Variants in TCF7L2 observed in about 807,000 individuals in gnomAD.
TCF7L2 encodes the protein transcription factor 7 like 2, also known as transcription factor 7-like 2.
Under a neutral mutation model 77.9 loss-of-function variants are expected in TCF7L2, and 23 were observed. The observed-to-expected ratio is 0.30, with a 90% CI of 0.21 to 0.42. TCF7L2 has a LOEUF of 0.42. Ranked by LOEUF, TCF7L2 falls within the 10% of genes least tolerant of loss-of-function variation. The probability of loss-of-function intolerance (pLI) is 1.00; values close to 1 mark genes in which losing one functional copy is unlikely to be tolerated. For synonymous variants in TCF7L2, 413 were observed against 340.2 expected, an observed-to-expected ratio of 1.21 and a Z score of -2.36; for missense variants, 654 against 793.1, an observed-to-expected ratio of 0.82 and a Z score of 2.11.
chr10:113,161,812 C>A (rs931705658), intron 13 of TCF7L2, among the ~76,000 whole-genome samples: 1 of 152,156 alleles, frequency 6.6e-6, no homozygotes. Flanking sequence ...CTCGTGTTGA[C>A]CCCAGCACAC....
At position 113,077,104 on chromosome 10, in the gene TCF7L2, G is replaced by A. The variant is rs56141968; in HGVS notation, c.552+36978G>A. Among the ~76,000 whole-genome samples the A allele has an allele frequency of 6.6e-3, 1,012 of 152,196 alleles. 11 individuals are homozygous for A. The highest frequency in any genetic ancestry group is 0.023 in the African/African-American group (961 of 41,514). ...AGACCTGTGGTCCCCTTCTTCCACC[G>A]TAATTTACATTCTTCCCTGAGTCCT... On this transcript the variant is annotated intron_variant, in intron 5 of 13. Transcript: ENST00000627217.
rs2137657600 is a variant in TCF7L2 at position 113,165,937 on chromosome 10, C to T, written c.1774C>T (p.Gln592Ter). Residue 592 changes from glutamine to a stop codon, truncating the protein, a stop_gained, in exon 14 of 14, where the codon CAG becomes TAG. Coordinates refer to ENST00000627217, the MANE Select transcript of TCF7L2 (RefSeq NM_001146274.2). LOFTEE classifies it high-confidence loss of function. ...CAGCTCCCTGGCCGGGACCCAGCCC[C>T]AGCCGCTGTCGCTCGTCACCAAGTC... is the stretch of plus-strand genomic sequence containing the variant. The T allele has an allele frequency of 1.9e-6, 3 of 1,547,148 alleles. No individual in the cohort carries two copies. Among genetic ancestry groups the T allele is most frequent in the Middle Eastern group, 1.7e-4 (1 of 5,728 alleles).
At chr10:113,111,648 C>T (rs12249275) in intron 5 of TCF7L2, among the ~76,000 whole-genome samples, 217 of 152,098 alleles carry the variant, frequency 1.4e-3, no homozygotes, top group Non-Finnish European at 2.4e-3. Flanking sequence ...AAAAATTAGC[C>T]AGGCGTGGTG....
intron 4 of TCF7L2, among the ~76,000 whole-genome samples, chr10:113,013,269 C>A (rs1590411276): frequency 1.3e-5 from 2 of 151,826 alleles, no homozygotes; most frequent in Admixed American, 1.3e-4. Flanking sequence ...CAGGCGTGCG[C>A]CCCCACACCT....
chr10:113,058,297 C>A (rs2055755925), intron 5 of TCF7L2, among the ~76,000 whole-genome samples: 1 of 152,070 alleles, frequency 6.6e-6, no homozygotes, highest in Non-Finnish European at 1.5e-5. Context: ...GCTTGGGCAG[C>A]CTGAGCAGGC....
chr10:113,061,681 G>A (rs547372352), intron 5 of TCF7L2, among the ~76,000 whole-genome samples: 8 of 152,334 alleles, frequency 5.3e-5, no homozygotes, highest in African/African-American at 1.7e-4. Flanking sequence ...AGTGAATTAA[G>A]TGCCTGCTTT....
chr10:113,079,787 AG>A (rs146083095), intron 5 of TCF7L2, among the ~76,000 whole-genome samples: 2,198 of 152,156 alleles, frequency 0.014, 60 homozygotes, highest in African/African-American at 0.051. Context: ...TTACCCAAGT[AG>A]CTGGGATTAC....
At chr10:113,018,818 G>A (rs2047785908) in intron 4 of TCF7L2, among the ~76,000 whole-genome samples, 1 of 152,152 alleles carries the variant, frequency 6.6e-6, no homozygotes, top group African/African-American at 2.4e-5. Flanking sequence ...CCCTCTGGCT[G>A]GGGTGGACTG....
intron 4 of TCF7L2, among the ~76,000 whole-genome samples, chr10:113,027,383 G>C (rs988308188): frequency 6.6e-6 from 1 of 152,176 alleles, no homozygotes; most frequent in Non-Finnish European, 1.5e-5. Flanking sequence ...GTGTCAGAGA[G>C]GGTGCCTGTC....
rs2137654218 is a variant in TCF7L2 at position 113,165,819 on chromosome 10, C to G, written c.1656C>G (p.Pro552=). The G allele has an allele frequency of 6.2e-7, 1 of 1,606,134 alleles. No individual in the cohort carries two copies. Among genetic ancestry groups the G allele is most frequent in the East Asian group, 2.2e-5 (1 of 44,750 alleles). The change falls in exon 14 of 14, where the codon CCC becomes CCG. Residue 552 remains proline (P), a synonymous_variant. Coordinates refer to ENST00000627217, the MANE Select transcript of TCF7L2 (RefSeq NM_001146274.2). ...CCCACAAGGCCTCCGCCCTCTGTCC[C>G]AACGGGGCCCTGGACCTGCCCCCAG...
chr10:113,127,398 C>T (rs2065829074), intron 5 of TCF7L2, among the ~76,000 whole-genome samples: 2 of 152,066 alleles, frequency 1.3e-5, no homozygotes, highest in Non-Finnish European at 2.9e-5. Flanking sequence ...TTCCTCCCTT[C>T]TTGAACCTCT....
intron 5 of TCF7L2, among the ~76,000 whole-genome samples, chr10:113,124,491 C>T (rs1047191366): frequency 3.3e-5 from 5 of 152,034 alleles, no homozygotes; most frequent in Admixed American, 6.5e-5. Context: ...AATATCATCT[C>T]GAAGACAACT....
chr10:113,142,270 A>G (rs138899073), intron 6 of TCF7L2, among the ~76,000 whole-genome samples: 3,111 of 152,292 alleles, frequency 0.02, 102 homozygotes, highest in African/African-American at 0.072. Flanking sequence ...GATTACAGGC[A>G]TGAGCCACCA....
intron 4 of TCF7L2, among the ~76,000 whole-genome samples, chr10:113,010,516 T>C (rs2046281567): frequency 6.6e-6 from 1 of 152,220 alleles, no homozygotes; most frequent in South Asian, 2.1e-4. Context: ...GCATTTTACC[T>C]GCATCATCTC....
At chr10:113,023,010 A>G (rs2048495520) in intron 4 of TCF7L2, among the ~76,000 whole-genome samples, 1 of 152,210 alleles carries the variant, frequency 6.6e-6, no homozygotes, top group Non-Finnish European at 1.5e-5. Flanking sequence ...TCTTCAGAAT[A>G]GTAGGTCCAA....
At chr10:112,994,035 G>A (rs113927341) in intron 4 of TCF7L2, among the ~76,000 whole-genome samples, 377 of 149,230 alleles carry the variant, frequency 2.5e-3, no homozygotes, top group African/African-American at 8.9e-3. Flanking sequence ...AGCCTGGGCG[G>A]CAGAGCGAGA....
intron 4 of TCF7L2, among the ~76,000 whole-genome samples, chr10:113,038,896 A>G (rs1234959004): frequency 1.3e-5 from 2 of 152,162 alleles, no homozygotes; most frequent in South Asian, 2.1e-4. Flanking sequence ...AAAGTTTTCT[A>G]TAGAATTAAT....
At position 113,165,743 on chromosome 10, in the gene TCF7L2, C is replaced by G. The variant is rs777213297; in HGVS notation, c.1580C>G (p.Ala527Gly). 3.7e-6 allele frequency: 6 copies of G among 1,612,544 alleles called. No homozygotes were observed. In the Admixed American group the frequency reaches 8.4e-5, roughly 22 times the overall value. The stretch of plus-strand genomic sequence containing the variant: ...CTGTCCCTGAAGCCCGACCCCCTGG[C>G]CCACCTGTCCATGATGCCTCCGCCA... The change falls in exon 14 of 14, where the codon GCC becomes GGC. Residue 527 changes from alanine (A) to glycine (G), a missense_variant. This residue lies in a region of TCF7L2 where 272 missense variants were observed against 215.4 expected (regional missense o/e 1.26). Transcript: ENST00000627217.
intron 5 of TCF7L2, among the ~76,000 whole-genome samples, chr10:113,134,356 G>T (rs1282588318): frequency 6.6e-6 from 1 of 152,224 alleles, no homozygotes; most frequent in East Asian, 1.9e-4. Flanking sequence ...GTGTTGGCCT[G>T]CTGGGTTGGG....
Sources: allele counts gnomAD v4.1 joint callset (sites outside exome capture counted in the v4.1 genomes callset), GRCh38; gene constraint gnomAD v4.1.1; regional missense constraint gnomAD v4.1.1; transcripts MANE v1.5; gene names NCBI Gene and HGNC (gene_info 2026-07-23, HGNC 2026-07-21).